Variants in GLRA2 observed in about 807,000 individuals in gnomAD.
GLRA2 encodes the protein glycine receptor subunit alpha-2.
GLRA2 carries 11 observed loss-of-function variants against 31.6 expected under a neutral mutation model. The observed-to-expected ratio is 0.35, with a 90% confidence interval of 0.22 to 0.58. The LOEUF is 0.58. GLRA2 is among the 20% of genes least tolerant of loss of function. GLRA2 has a pLI of 0.84. For missense variants in GLRA2, 212 were observed against 351.8 expected, an observed-to-expected ratio of 0.60 and a Z score of 3.18; for synonymous variants, 132 against 134.0, an observed-to-expected ratio of 0.99 and a Z score of 0.10.
At chrX:14,701,235 C>T (rs1023873183) in intron 8 of GLRA2, among the ~76,000 whole-genome samples, 6 of 110,879 alleles carry the variant, frequency 5.4e-5, no homozygotes, top group Non-Finnish European at 9.4e-5. Flanking sequence ...TAGGGTCCAT[C>T]GGACGTAGGG....
intron 7 of GLRA2, among the ~76,000 whole-genome samples, chrX:14,645,683 G>A: frequency 8.9e-6 from 1 of 112,238 alleles, no homozygotes; most frequent in Middle Eastern, 4.6e-3. Flanking sequence ...ACAGCTTTCG[G>A]TGGAGTCCAC....
chrX:14,620,911 C>T (rs1461439796), intron 7 of GLRA2, among the ~76,000 whole-genome samples: 1 of 111,312 alleles, frequency 9.0e-6, no homozygotes, highest in Non-Finnish European at 1.9e-5. Context: ...TGTAAATGGC[C>T]TCTCTTCCTT....
chrX:14,629,925 A>G (rs1201820501), intron 7 of GLRA2, among the ~76,000 whole-genome samples: 1 of 111,814 alleles, frequency 8.9e-6, no homozygotes. Context: ...ATATATCATA[A>G]ACCCCACAGT....
chrX:14,495,506 C>A, the GLRA2 span, among the ~76,000 whole-genome samples: 1 of 109,571 alleles, frequency 9.1e-6, no homozygotes, highest in African/African-American at 3.3e-5. Flanking sequence ...GGAAAGAGAA[C>A]TCTATCAATT....
chrX:14,507,335 ACT>A, the GLRA2 span, among the ~76,000 whole-genome samples: 7 of 112,277 alleles, frequency 6.2e-5, no homozygotes, highest in Admixed American at 9.5e-5. Context: ...TCTAAATCTC[ACT>A]TTTTTAGCCG....
chrX:14,524,194 G>A, the GLRA2 span, among the ~76,000 whole-genome samples: 1 of 112,205 alleles, frequency 8.9e-6, no homozygotes, highest in South Asian at 3.7e-4. Flanking sequence ...ATATCCTATT[G>A]GTTCTGTCTC....
At chrX:14,601,991 C>T (rs997386275) in intron 4 of GLRA2, among the ~76,000 whole-genome samples, 1 of 111,589 alleles carries the variant, frequency 9.0e-6, no homozygotes, top group African/African-American at 3.2e-5. Flanking sequence ...TGAGAATAAG[C>T]ATCATCTTAC....
chrX:14,589,172 C>T (rs758892210), intron 4 of GLRA2, among the ~76,000 whole-genome samples: 7 of 111,095 alleles, frequency 6.3e-5, no homozygotes, highest in Non-Finnish European at 1.3e-4. Flanking sequence ...AAGGGGAATG[C>T]TTCCAGCTTT....
intron 7 of GLRA2, among the ~76,000 whole-genome samples, chrX:14,621,332 T>G (rs1025387927): frequency 9.0e-6 from 1 of 111,156 alleles, no homozygotes; most frequent in Non-Finnish European, 1.9e-5. Flanking sequence ...TCAGCATTTT[T>G]TTTTTAAAAC....
intron 6 of GLRA2, 132 bp downstream of exon 6, chrX:14,607,400 T>A (rs2090347014): frequency 1.9e-6 from 1 of 513,031 alleles, no homozygotes; most frequent in Non-Finnish European, 3.1e-6. Context: ...ACGGACCTGA[T>A]TTGGCTCAAA....
chrX:14,527,866 G>C (rs750875835), upstream of GLRA2, among the ~76,000 whole-genome samples: 9 of 111,758 alleles, frequency 8.1e-5, no homozygotes, highest in South Asian at 1.5e-3. Context: ...TTTCCATGTG[G>C]ATGAATTTGG....
intron 2 of GLRA2, among the ~76,000 whole-genome samples, chrX:14,550,975 T>C (rs1481932329): frequency 8.9e-6 from 1 of 112,077 alleles, no homozygotes; most frequent in African/African-American, 3.2e-5. Flanking sequence ...ATAATAACAT[T>C]GTTGGTTTAT....
intron 2 of GLRA2, among the ~76,000 whole-genome samples, chrX:14,537,955 G>T (rs2089347454): frequency 9.3e-6 from 1 of 107,155 alleles, no homozygotes; most frequent in Non-Finnish European, 1.9e-5. Context: ...AAATGTGTTG[G>T]TTGGTGTTCA....
intron 7 of GLRA2, among the ~76,000 whole-genome samples, chrX:14,644,847 T>C (rs1321988939): frequency 8.9e-6 from 1 of 112,036 alleles, no homozygotes; most frequent in East Asian, 2.8e-4. Context: ...AGAAAATAAT[T>C]CAGTTCAGTA....
intron 7 of GLRA2, among the ~76,000 whole-genome samples, chrX:14,645,405 T>C (rs777880310): frequency 8.9e-6 from 1 of 111,777 alleles, no homozygotes; most frequent in Non-Finnish European, 1.9e-5. Flanking sequence ...TTTTATTGGG[T>C]TCTACTTCCC....
intron 2 of GLRA2, among the ~76,000 whole-genome samples, chrX:14,541,530 A>G (rs946079545): frequency 8.9e-6 from 1 of 112,056 alleles, no homozygotes; most frequent in African/African-American, 3.2e-5. Context: ...TTGCATTTAA[A>G]TACTTCAAGA....
chrX:14,502,900 A>AAC, the GLRA2 span, among the ~76,000 whole-genome samples: 1 of 109,501 alleles, frequency 9.1e-6, no homozygotes, highest in African/African-American at 3.3e-5. Context: ...AAAAAAAAAA[A>AAC]ACCATGGCAG....
rs1341068208 is a variant in GLRA2 at position 14,696,791 on chromosome X, G to T, written c.1080+5932G>T. Among the ~76,000 whole-genome samples the T allele has an allele frequency of 3.6e-5, 4 of 112,140 alleles. No individual in the cohort carries two copies. The Admixed American group carries it at 3.8e-4, about 11-fold the overall frequency. On this transcript the variant is annotated intron_variant, in intron 8 of 8. Coordinates refer to ENST00000218075, the MANE Select transcript of GLRA2 (RefSeq NM_002063.4). The stretch of plus-strand genomic sequence containing the variant: ...ACCTTAGATTAAAAGATGTTTTAGA[G>T]ATGCCAGTTGGCAGTTACAATCCCT...
chrX:14,525,447 AAATT>A (rs758853154), upstream of GLRA2, among the ~76,000 whole-genome samples: 33 of 112,060 alleles, frequency 2.9e-4, 1 homozygote, highest in African/African-American at 9.7e-4. Flanking sequence ...GAGATTAAAT[AAATT>A]AAGTAAATGA....
Sources: gnomAD v4.1 joint callset for allele counts (sites outside exome capture counted in the v4.1 genomes callset) on GRCh38, gnomAD v4.1.1 for gene constraint, MANE v1.5 for transcripts, NCBI Gene and HGNC (gene_info 2026-07-23, HGNC 2026-07-21) for gene names.